The following STPG4 variants were observed in gnomAD, a reference collection of about 807,000 sequenced individuals.
STPG4 encodes protein STPG4.
In STPG4, 41 loss-of-function variants were observed where a neutral mutation model predicts 31.5. That is an observed-to-expected ratio of 1.30 (90% confidence interval 1.01 to 1.69). The LOEUF is 1.69. STPG4 is among the 40% of genes most tolerant of loss of function. STPG4 has a pLI of 0.00. For synonymous variants in STPG4, 141 were observed against 103.0 expected (o/e 1.37, Z -2.24); for missense variants, 375 against 293.4 (o/e 1.28, Z -2.03).
intron 3 of STPG4, among the ~76,000 whole-genome samples, chr2:47,148,355 C>T (rs890594644): frequency 1.3e-5 from 2 of 151,678 alleles, no homozygotes; most frequent in Non-Finnish European, 2.9e-5. Flanking sequence ...TGGGATCAAT[C>T]GTACCCCAAA....
At chr2:47,094,246 A>C (rs1361492555) in intron 5 of STPG4, among the ~76,000 whole-genome samples, 1 of 152,194 alleles carries the variant, frequency 6.6e-6, no homozygotes, top group Non-Finnish European at 1.5e-5. Context: ...ATGCTTTGGC[A>C]ACTGTGGGTT....
At chr2:47,117,125 C>T (rs770447086) in intron 5 of STPG4, among the ~76,000 whole-genome samples, 1 of 152,140 alleles carries the variant, frequency 6.6e-6, no homozygotes, top group Non-Finnish European at 1.5e-5. Context: ...TACCTAGGGT[C>T]GGGCACTTGC....
Position 47,090,341 on chromosome 2 carries a change from T to G in STPG4, c.553A>C (p.Lys185Gln), listed in dbSNP as rs1685546154. 2 of 1,552,096 alleles carry G rather than the reference T, an allele frequency of 1.3e-6. No individual in the cohort carries two copies. The highest frequency in any genetic ancestry group is 1.7e-6 in the Non-Finnish European group (2 of 1,146,992). The change falls in exon 6 of 7, where the codon AAA becomes CAA. Residue 185 changes from lysine to glutamine, a missense_variant. Coordinates refer to ENST00000445927, the MANE Select transcript of STPG4 (RefSeq NM_001163561.2). The part of the protein sequence containing the change: ...EGPGPGHYNV[K>Q]MPPTSSVTSC... ...GTGACAGAGCTTGTTGGAGGCATTTTCACATTATAATGACCTGGACCAGGG... is the reference window on the plus strand; with the variant it reads ...GTGACAGAGCTTGTTGGAGGCATTTGCACATTATAATGACCTGGACCAGGG...
chr2:47,096,517 C>A (rs1391317525), intron 5 of STPG4, among the ~76,000 whole-genome samples: 1 of 152,142 alleles, frequency 6.6e-6, no homozygotes, highest in Non-Finnish European at 1.5e-5. Context: ...GTAGAAAAGA[C>A]CAAAGAACAG....
At chr2:47,107,140 G>C (rs72808568) in intron 5 of STPG4, among the ~76,000 whole-genome samples, 13,854 of 152,060 alleles carry the variant, frequency 0.091, 903 homozygotes, top group Non-Finnish European at 0.12. Context: ...GCTCTCTCTC[G>C]CTTTCAGCAC....
Position 47,090,271 on chromosome 2 carries a change from G to C in STPG4, c.623C>G (p.Ser208Ter), listed in dbSNP as rs1287665109. The C allele has an allele frequency of 1.9e-6, 3 of 1,549,216 alleles. No individual in the cohort carries two copies. Among genetic ancestry groups the C allele is most frequent in the Non-Finnish European group, 2.6e-6 (3 of 1,144,848 alleles). The change falls in exon 6 of 7, where the codon TCA becomes TGA. Residue 208 changes from serine (S) to a stop codon, truncating the protein, a stop_gained and splice_region_variant. Transcript: ENST00000445927. LOFTEE classifies it high-confidence loss of function. ...CGATCTGTCTTTCCGAATACTTACT[G>C]AACAGCTGGGCAAGAATCGAGGGAC... ...SRVPRFLPSC[S>*]KTPGPGAYTT...
intron 5 of STPG4, among the ~76,000 whole-genome samples, chr2:47,125,315 G>C (rs1188787029): frequency 1.3e-5 from 2 of 152,106 alleles, no homozygotes; most frequent in Admixed American, 6.5e-5. Flanking sequence ...CCAGCTACTT[G>C]AGGGGCTGAG....
intron 3 of STPG4, among the ~76,000 whole-genome samples, chr2:47,134,476 CTTCT>C (rs769605201): frequency 1.3e-5 from 2 of 152,188 alleles, no homozygotes; most frequent in Non-Finnish European, 2.9e-5. Flanking sequence ...TTCAGATTGG[CTTCT>C]TTCACTTCGT....
At chr2:47,105,715 C>T (rs1315277361) in intron 5 of STPG4, among the ~76,000 whole-genome samples, 2 of 152,008 alleles carry the variant, frequency 1.3e-5, no homozygotes, top group Non-Finnish European at 2.9e-5. Context: ...CAAGCCTCTT[C>T]CCCCAGGGAC....
At chr2:47,127,754 T>C (rs1048671353) in intron 5 of STPG4, among the ~76,000 whole-genome samples, 1 of 152,200 alleles carries the variant, frequency 6.6e-6, no homozygotes, top group Non-Finnish European at 1.5e-5. Context: ...ATCTTAAATT[T>C]TGTTGCACTT....
chr2:47,116,376 T>G (rs1389963596), intron 5 of STPG4, among the ~76,000 whole-genome samples: 6 of 152,242 alleles, frequency 3.9e-5, no homozygotes, highest in Non-Finnish European at 7.3e-5. Context: ...TCTCTGAAAC[T>G]ATTCTATTTC....
chr2:47,101,014 C>T (rs970316908), intron 5 of STPG4, among the ~76,000 whole-genome samples: 4 of 151,782 alleles, frequency 2.6e-5, no homozygotes, highest in Non-Finnish European at 4.4e-5. Flanking sequence ...TGCCTATCAC[C>T]AAGCGGTGAG....
At chr2:47,127,682 A>T (rs1371095317) in intron 5 of STPG4, among the ~76,000 whole-genome samples, 1 of 152,096 alleles carries the variant, frequency 6.6e-6, no homozygotes, top group Non-Finnish European at 1.5e-5. Context: ...TTGATTTTTT[A>T]AAATTATTTT....
intron 3 of STPG4, among the ~76,000 whole-genome samples, chr2:47,148,834 T>C (rs1027925825): frequency 3.9e-5 from 6 of 152,194 alleles, no homozygotes; most frequent in Non-Finnish European, 7.3e-5. Context: ...TCCAGCTTCA[T>C]CCATGTCCCT....
intron 5 of STPG4, among the ~76,000 whole-genome samples, chr2:47,091,884 T>G (rs556554414): frequency 3.2e-4 from 49 of 151,932 alleles, no homozygotes; most frequent in Non-Finnish European, 6.2e-4. Flanking sequence ...AAGTGAAAAC[T>G]GGGAAATAAA....
intron 3 of STPG4, among the ~76,000 whole-genome samples, chr2:47,134,096 T>C (rs531623090): frequency 1.3e-5 from 2 of 151,690 alleles, no homozygotes; most frequent in Admixed American, 6.6e-5. Flanking sequence ...TTTAGGGTCA[T>C]AGCAAAATTG....
At chr2:47,117,037 T>A (rs1031115392) in intron 5 of STPG4, among the ~76,000 whole-genome samples, 1 of 152,220 alleles carries the variant, frequency 6.6e-6, no homozygotes, top group Non-Finnish European at 1.5e-5. Flanking sequence ...GCTTAGGATG[T>A]AGGCTCCGAG....
rs561360545 is a variant in STPG4 at position 47,123,733 on chromosome 2, G to C, written c.519+6208C>G. Among the ~76,000 whole-genome samples, 9 of 152,202 alleles carry C rather than the reference G, an allele frequency of 5.9e-5. No individual in the cohort carries two copies. The South Asian group carries it at 1.9e-3, about 32-fold the overall frequency. On this transcript the variant is annotated intron_variant, in intron 5 of 6. Transcript: ENST00000445927. ...AAATCAATTGCATTAGTCATTCAGA[G>C]CTTATCTACTATGATGAGCAAAATG...
chr2:47,148,166 C>T (rs1051796100), intron 3 of STPG4, among the ~76,000 whole-genome samples: 2 of 151,974 alleles, frequency 1.3e-5, no homozygotes, highest in South Asian at 2.1e-4. Flanking sequence ...CATGCTGTCT[C>T]GAACTCCTGG....
Sources: allele counts gnomAD v4.1 joint callset (sites outside exome capture counted in the v4.1 genomes callset), GRCh38; gene constraint gnomAD v4.1.1; transcripts MANE v1.5; gene names NCBI Gene and HGNC (gene_info 2026-07-23, HGNC 2026-07-21).